Variants in TLN2 observed in about 807,000 individuals in gnomAD.
The protein encoded by TLN2 is talin 2, also known as talin-2.
A neutral mutation model predicts 294.7 loss-of-function variants in TLN2; 118 were observed. The observed-to-expected ratio is 0.40, with a 90% CI of 0.34 to 0.47. The LOEUF is 0.47. TLN2 is among the 20% of genes least tolerant of loss of function. The probability of loss-of-function intolerance (pLI) is 0.84; values close to 1 mark genes in which losing one functional copy is unlikely to be tolerated. For missense variants in TLN2, 3,083 were observed against 3,282.2 expected (o/e 0.94, Z 1.48); for synonymous variants, 1,431 against 1,304.5 (o/e 1.10, Z -2.09).
rs1365077964 is a variant in TLN2, at chr15:62,840,894, A to C, written c.*284A>C. The C allele has an allele frequency of 3.0e-6, 1 of 337,540 alleles. No individual in the cohort carries two copies. Among genetic ancestry groups the C allele is most frequent in the Non-Finnish European group, 5.4e-6 (1 of 186,714 alleles). The allele number at this position is 337,540 out of a possible 1,614,324, so 20.9% of individuals were successfully genotyped here. ...ACGTTTCATGGACTGTTACCAACAA[A>C]GAAAAGTCAGTATTATGTTGTTCTC... On this transcript the variant is annotated 3_prime_UTR_variant, in exon 59 of 59. Transcript: ENST00000636159.
rs113793876 is a variant in TLN2 at position 62,499,352 on chromosome 15, A to T, written c.-237-90335A>T. On this transcript the variant is annotated intron_variant, in intron 1 of 58. Transcript: ENST00000636159. ...GTAGTCCCAGCTACTCGGGAGACTG[A>T]GGTGGGAGGATCGCTAGAGCCCAGG... is the stretch of plus-strand genomic sequence containing the variant. Among the ~76,000 whole-genome samples the T allele has an allele frequency of 3.0e-3, 460 of 152,244 alleles. 1 individual carries two copies. The highest frequency in any genetic ancestry group is 0.01 in the African/African-American group (430 of 41,542).
rs758573209 is a variant in TLN2, at chr15:62,694,399, AT to A, written c.1292+9del. 14 of 1,613,456 alleles carry A rather than the reference AT, an allele frequency of 8.7e-6. No individual in the cohort carries two copies. The highest frequency in any genetic ancestry group is 1.1e-5 in the Non-Finnish European group (13 of 1,179,404). On this transcript the variant is annotated splice_region_variant and intron_variant, in intron 14 of 58. Coordinates refer to ENST00000636159, the MANE Select transcript of TLN2 (RefSeq NM_015059.3). ...AGTCCGTTTCCCCAAAAAAGTAAGTATTATGAAGAGTACTAGAGGACCACCT... is the reference window on the plus strand; with the variant it reads ...AGTCCGTTTCCCCAAAAAAGTAAGTATATGAAGAGTACTAGAGGACCACCT...
chr15:62,443,206 G>A (rs1022475643), intron 1 of TLN2, among the ~76,000 whole-genome samples: 1 of 152,222 alleles, frequency 6.6e-6, no homozygotes, highest in African/African-American at 2.4e-5. Flanking sequence ...CCATTGTTCA[G>A]ACTACTGTAG....
chr15:62,648,527 G>GTGATGA (rs139879266), intron 4 of TLN2, among the ~76,000 whole-genome samples: 6,107 of 146,798 alleles, frequency 0.042, 441 homozygotes, highest in African/African-American at 0.15. Context: ...GGTCTAAAAC[G>GTGATGA]TGATGATGAT....
At chr15:62,573,995 C>T (rs1051399458) in intron 1 of TLN2, among the ~76,000 whole-genome samples, 1 of 152,090 alleles carries the variant, frequency 6.6e-6, no homozygotes, top group Non-Finnish European at 1.5e-5. Flanking sequence ...AAAGATGCAG[C>T]CCTTCCTGGG....
chr15:62,751,207 C>T lies in TLN2; in HGVS notation c.4209+716C>T, dbSNP rs115942424. Among the ~76,000 whole-genome samples, 594 of 152,066 alleles carry T rather than the reference C, an allele frequency of 3.9e-3. 4 individuals are homozygous for T. The highest frequency in any genetic ancestry group is 0.014 in the African/African-American group (575 of 41,502). Reference sequence around the variant, plus strand: ...ATCATACCAATGTCTTTTGAGAATGCCTTCAAATCAGAAGGTGAAAATCAA... The same window carrying T: ...ATCATACCAATGTCTTTTGAGAATGTCTTCAAATCAGAAGGTGAAAATCAA... On this transcript the variant is annotated intron_variant, in intron 34 of 58. Coordinates refer to ENST00000636159, the MANE Select transcript of TLN2 (RefSeq NM_015059.3).
At chr15:62,826,152 G>T (rs8033017) in intron 54 of TLN2, among the ~76,000 whole-genome samples, 149,353 of 151,882 alleles carry the variant, frequency 0.98, 73,484 homozygotes, top group Middle Eastern at 1. Context: ...ATCTGATACA[G>T]CTTGGGAAGA....
intron 5 of TLN2, among the ~76,000 whole-genome samples, chr15:62,651,078 T>A (rs1318911148): frequency 6.6e-6 from 1 of 152,222 alleles, no homozygotes; most frequent in East Asian, 1.9e-4. Context: ...TATTTTTATA[T>A]GCAAATAGTA....
chr15:62,794,724 A>T (rs1159585813), intron 46 of TLN2, among the ~76,000 whole-genome samples: 1 of 152,176 alleles, frequency 6.6e-6, no homozygotes. Context: ...GGAACGTGGT[A>T]GGTACCCAGG....
chr15:62,563,503 A>T (rs1357561300), intron 1 of TLN2, among the ~76,000 whole-genome samples: 2 of 152,096 alleles, frequency 1.3e-5, no homozygotes, highest in African/African-American at 4.8e-5. Flanking sequence ...CCTTTGTCAG[A>T]TGTATAGACT....
intron 1 of TLN2, among the ~76,000 whole-genome samples, chr15:62,522,574 C>T (rs1013733682): frequency 3.3e-5 from 5 of 152,180 alleles, no homozygotes; most frequent in African/African-American, 1.2e-4. Flanking sequence ...AATCTTGTCA[C>T]AGAAGTTGCT....
At chr15:62,450,547 A>ATGTGTGTG (rs10591621) in intron 1 of TLN2, among the ~76,000 whole-genome samples, 17 of 136,140 alleles carry the variant, frequency 1.2e-4, no homozygotes, top group African/African-American at 5.0e-4. Flanking sequence ...GTATGTATGT[A>ATGTGTGTG]TGTGTGTGTG....
intron 1 of TLN2, among the ~76,000 whole-genome samples, chr15:62,470,292 A>T (rs900447262): frequency 6.6e-6 from 1 of 152,238 alleles, no homozygotes; most frequent in Non-Finnish European, 1.5e-5. Context: ...TTTAACCCAG[A>T]CAGTCAACCG....
intron 31 of TLN2, 37 bp downstream of exon 31, chr15:62,739,582 C>T (rs1290165245): frequency 1.2e-6 from 2 of 1,608,812 alleles, no homozygotes; most frequent in Admixed American, 3.3e-5. Flanking sequence ...TTGACCTTAG[C>T]CTCTCCTCTC....
Position 62,763,676 on chromosome 15 carries a change from G to C in TLN2, c.5075G>C (p.Arg1692Thr). The C allele has an allele frequency of 6.2e-7, 1 of 1,610,762 alleles. No individual in the cohort carries two copies. Among genetic ancestry groups the C allele is most frequent in the Non-Finnish European group, 8.5e-7 (1 of 1,178,676 alleles). ...LAAVSQSLATRDDISVEALQE... is the reference protein window; with the variant it reads ...LAAVSQSLATTDDISVEALQE... The stretch of plus-strand genomic sequence containing the variant: ...GCCGTCAGCCAGAGCCTGGCCACGA[G>C]GGACGACATCTCTGTGGAGGTAAGC... Residue 1692 changes from arginine (R) to threonine (T), a missense_variant, in exon 40 of 59, where the codon AGG becomes ACG. Transcript: ENST00000636159.
intron 1 of TLN2, among the ~76,000 whole-genome samples, chr15:62,555,656 G>A (rs111840308): frequency 7.2e-5 from 11 of 152,272 alleles, no homozygotes; most frequent in East Asian, 3.9e-4. Context: ...CCTAGGATTT[G>A]TTCTTGTGTA....
intron 1 of TLN2, among the ~76,000 whole-genome samples, chr15:62,410,355 T>G (rs1413065521): frequency 1.3e-5 from 2 of 152,092 alleles, no homozygotes; most frequent in Non-Finnish European, 2.9e-5. Flanking sequence ...ATAAATAAAG[T>G]AAAAACTGCA....
chr15:62,697,033 C>A (rs563014874), intron 14 of TLN2, among the ~76,000 whole-genome samples: 57 of 152,176 alleles, frequency 3.7e-4, no homozygotes, highest in Non-Finnish European at 6.0e-4. Flanking sequence ...TATTATTTAC[C>A]AAAAATAATA....
At chr15:62,753,689 G>T in intron 35 of TLN2, 84 bp from the exon 36 acceptor site, 2 of 1,477,414 alleles carry the variant, frequency 1.4e-6, no homozygotes. Context: ...TGTGACAGCT[G>T]CATGTGTAGT....
Sources: allele counts gnomAD v4.1 joint callset (sites outside exome capture counted in the v4.1 genomes callset), GRCh38; gene constraint gnomAD v4.1.1; transcripts MANE v1.5; gene names NCBI Gene and HGNC (gene_info 2026-07-23, HGNC 2026-07-21).